The following KLHDC4 variants were observed in gnomAD, a reference collection of about 807,000 sequenced individuals.
KLHDC4 encodes the protein kelch domain containing 4.
A neutral mutation model predicts 62.4 loss-of-function variants in KLHDC4; 90 were observed. That is an observed-to-expected ratio of 1.44 (90% CI 1.22 to 1.72). The LOEUF is 1.72. Ranked by LOEUF, KLHDC4 falls within the 40% of genes most tolerant of loss-of-function variation. KLHDC4 has a pLI of 0.00. For missense variants in KLHDC4, 1,025 were observed against 699.7 expected (o/e 1.47, Z -5.25); for synonymous variants, 386 against 284.4 (o/e 1.36, Z -3.59).
intron 7 of KLHDC4, among the ~76,000 whole-genome samples, chr16:87,717,818 G>A (rs572055281): frequency 6.7e-6 from 1 of 149,856 alleles, no homozygotes; most frequent in East Asian, 1.9e-4. Context: ...GCAGGTCTCT[G>A]TCTCCTTGTA....
At chr16:87,737,651 G>C (rs1367115718) in intron 5 of KLHDC4, among the ~76,000 whole-genome samples, 1 of 148,510 alleles carries the variant, frequency 6.7e-6, no homozygotes, top group Non-Finnish European at 1.5e-5. Flanking sequence ...ACAATGGCAC[G>C]ATCTCAGCTC....
chr16:87,702,796 G>T (rs1029257916), upstream of KLHDC4, among the ~76,000 whole-genome samples: 2 of 152,256 alleles, frequency 1.3e-5, no homozygotes, highest in African/African-American at 4.8e-5. Flanking sequence ...CCTGGCGCAT[G>T]TGAACTGCTT....
chr16:87,715,611 G>A (rs1189611722), intron 7 of KLHDC4, among the ~76,000 whole-genome samples: 1 of 152,122 alleles, frequency 6.6e-6, no homozygotes, highest in African/African-American at 2.4e-5. Context: ...GAGTTTTATA[G>A]AGTGCCCCTC....
chr16:87,735,988 G>GAGT (rs1210214749), intron 5 of KLHDC4, among the ~76,000 whole-genome samples: 4 of 152,236 alleles, frequency 2.6e-5, no homozygotes, highest in Non-Finnish European at 4.4e-5. Context: ...TAAGCACTCT[G>GAGT]CATGCAAACG....
intron 7 of KLHDC4, among the ~76,000 whole-genome samples, chr16:87,720,910 C>T (rs2038169914): frequency 6.6e-6 from 1 of 152,240 alleles, no homozygotes; most frequent in South Asian, 2.1e-4. Flanking sequence ...TCTCCAGTCA[C>T]TCAGTCCTTT....
intron 6 of KLHDC4, among the ~76,000 whole-genome samples, 163 bp downstream of exon 6, chr16:87,730,389 G>A (rs2040132662): frequency 6.6e-6 from 1 of 152,278 alleles, no homozygotes; most frequent in Admixed American, 6.5e-5. Context: ...GGCCCGGTGT[G>A]AGGCCCTTTG....
rs1391788412 is a variant in KLHDC4 at position 87,744,937 on chromosome 16, A to G, written c.506+3736T>C. ...TGCATACACAGGCATAGACAGGCAC[A>G]TGCACTCACATATGCTCACACGTGC... On this transcript the variant is annotated intron_variant, in intron 5 of 11. Coordinates refer to ENST00000270583, the MANE Select transcript of KLHDC4 (RefSeq NM_017566.4). Among the ~76,000 whole-genome samples the G allele has an allele frequency of 2.6e-5, 4 of 152,302 alleles. No homozygotes were observed. The East Asian group carries it at 7.7e-4, about 29-fold the overall frequency.
intron 7 of KLHDC4, among the ~76,000 whole-genome samples, chr16:87,721,713 G>A (rs948796761): frequency 6.6e-6 from 1 of 152,212 alleles, no homozygotes; most frequent in Non-Finnish European, 1.5e-5. Context: ...ATGAAAGGAC[G>A]CTCTGGCCTC....
chr16:87,750,620 G>A (rs537469809), intron 4 of KLHDC4, among the ~76,000 whole-genome samples: 16 of 152,336 alleles, frequency 1.1e-4, no homozygotes, highest in African/African-American at 3.6e-4. Context: ...GTGCCAACCC[G>A]TCTAAGGTCA....
rs527509431 is a variant in KLHDC4 at position 87,738,590 on chromosome 16, G to A, written c.507-7946C>T. 4.9e-3 allele frequency among the ~76,000 whole-genome samples: 705 copies of A among 145,286 alleles called. 6 individuals carry two copies. The highest frequency in any genetic ancestry group is 0.018 in the African/African-American group (691 of 39,172). Reference sequence around the variant, plus strand: ...CAGCACCTCATCCATCCACACACCAGCACCTCATCCATCCACACAGCACCT... The same window carrying A: ...CAGCACCTCATCCATCCACACACCAACACCTCATCCATCCACACAGCACCT... On this transcript the variant is annotated intron_variant, in intron 5 of 11. Transcript: ENST00000270583.
intron 4 of KLHDC4, among the ~76,000 whole-genome samples, chr16:87,751,387 T>A (rs1435565042): frequency 6.6e-6 from 1 of 151,482 alleles, no homozygotes; most frequent in Non-Finnish European, 1.5e-5. Context: ...GGCAGGAGAA[T>A]CGCTTGAGCC....
intron 7 of KLHDC4, among the ~76,000 whole-genome samples, chr16:87,722,228 C>G (rs966675165): frequency 6.6e-6 from 1 of 152,202 alleles, no homozygotes; most frequent in African/African-American, 2.4e-5. Flanking sequence ...ATTTATAAAA[C>G]GTGGTTACGA....
intron 6 of KLHDC4, among the ~76,000 whole-genome samples, chr16:87,727,790 GC>G (rs1322462449): frequency 1.3e-5 from 2 of 152,212 alleles, no homozygotes; most frequent in Non-Finnish European, 2.9e-5. Flanking sequence ...AGCAGCTCTA[GC>G]CCAAGTCTCA....
At chr16:87,702,676 C>T (rs937168086), upstream of KLHDC4, 4 of 212,090 alleles carry the variant, frequency 1.9e-5, no homozygotes, top group South Asian at 1.6e-4. Flanking sequence ...AGGGGAGCCA[C>T]GCGGAAGAGG....
chr16:87,759,536 C>T (rs964859267), intron 2 of KLHDC4, among the ~76,000 whole-genome samples: 3 of 152,164 alleles, frequency 2.0e-5, no homozygotes, highest in South Asian at 2.1e-4. Flanking sequence ...CACCTAAGGT[C>T]GGGAGTTCAA....
At chr16:87,720,564 G>A (rs979174810) in intron 7 of KLHDC4, among the ~76,000 whole-genome samples, 5 of 152,202 alleles carry the variant, frequency 3.3e-5, no homozygotes, top group East Asian at 1.9e-4. Context: ...GGGAGACGCC[G>A]CACCACATCA....
intron 7 of KLHDC4, among the ~76,000 whole-genome samples, chr16:87,717,137 G>A (rs1368203626): frequency 2.7e-5 from 4 of 150,112 alleles, no homozygotes; most frequent in Non-Finnish European, 5.9e-5. Context: ...ACGCTGAGGT[G>A]GGAGGACTAC....
chr16:87,704,204 C>T (rs1276519862), downstream of KLHDC4, among the ~76,000 whole-genome samples: 2 of 152,232 alleles, frequency 1.3e-5, no homozygotes, highest in African/African-American at 4.8e-5. Context: ...GGTCTCGCCT[C>T]GTCACCTGAA....
chr16:87,728,822 T>C lies in KLHDC4; in HGVS notation c.599+1730A>G, dbSNP rs889142922. 9.9e-5 allele frequency among the ~76,000 whole-genome samples: 15 copies of C among 152,206 alleles called. 1 individual carries two copies. The East Asian group carries it at 2.9e-3, about 29-fold the overall frequency. ...AGTGAAACCCCGTCTCTACTAAAAA[T>C]ACAAAAATTAGCTGGGCATGCGGCT... is the stretch of plus-strand genomic sequence containing the variant. On this transcript the variant is annotated intron_variant, in intron 6 of 11. Transcript: ENST00000270583.
Sources: allele counts gnomAD v4.1 joint callset (sites outside exome capture counted in the v4.1 genomes callset), GRCh38; gene constraint gnomAD v4.1.1; transcripts MANE v1.5; gene names NCBI Gene and HGNC (gene_info 2026-07-23, HGNC 2026-07-21).